TENM3: variants seen among roughly 807,000 people sequenced by gnomAD.
TENM3 encodes teneurin-3.
In TENM3, 63 loss-of-function variants were observed where a neutral mutation model predicts 255.1. The ratio of observed to expected loss-of-function variants is 0.25; its 90% CI spans 0.20 to 0.30. TENM3 has a LOEUF of 0.30. Ranked by LOEUF, TENM3 falls within the 10% of genes least tolerant of loss-of-function variation. The pLI, the probability that TENM3 is intolerant of heterozygous loss-of-function variation, is 1.00. For synonymous variants in TENM3, 1,306 were observed against 1,322.3 expected, an observed-to-expected ratio of 0.99 and a Z score of 0.27; for missense variants, 2,929 against 3,461.1, an observed-to-expected ratio of 0.85 and a Z score of 3.86.
At chr4:181,996,625 G>T in the TENM3 span, among the ~76,000 whole-genome samples, 1 of 152,180 alleles carries the variant, frequency 6.6e-6, no homozygotes, top group African/African-American at 2.4e-5. Context: ...TCTGTCAGGT[G>T]AGTGGAGAAT....
At chr4:181,655,241 G>A in the TENM3 span, among the ~76,000 whole-genome samples, 1 of 152,192 alleles carries the variant, frequency 6.6e-6, no homozygotes, top group African/African-American at 2.4e-5. Context: ...AGGAGCGTGA[G>A]AAGAGTGGAA....
At chr4:182,524,492 G>C (rs568818339) in intron 3 of TENM3, among the ~76,000 whole-genome samples, 1 of 151,294 alleles carries the variant, frequency 6.6e-6, no homozygotes, top group Middle Eastern at 3.4e-3. Flanking sequence ...TCAAGCAGCT[G>C]TGGCTACAGG....
chr4:182,383,765 C>A (rs1461611974), intron 3 of TENM3, among the ~76,000 whole-genome samples: 1 of 152,088 alleles, frequency 6.6e-6, no homozygotes, highest in Non-Finnish European at 1.5e-5. Context: ...TGCTTCAAGG[C>A]TACAGTAACC....
chr4:181,495,884 G>A, the TENM3 span, among the ~76,000 whole-genome samples: 1 of 142,738 alleles, frequency 7.0e-6, no homozygotes, highest in Admixed American at 7.3e-5. Flanking sequence ...CACTTTGGAA[G>A]GGTAGGAAGA....
chr4:181,816,487 C>T, the TENM3 span, among the ~76,000 whole-genome samples: 6 of 152,200 alleles, frequency 3.9e-5, no homozygotes, highest in East Asian at 1.9e-4. Context: ...GCCTTCCTTT[C>T]GTCAGGTTAT....
chr4:181,989,264 G>A, the TENM3 span, among the ~76,000 whole-genome samples: 331 of 152,102 alleles, frequency 2.2e-3, no homozygotes, highest in African/African-American at 7.5e-3. Flanking sequence ...GAAAAACAAG[G>A]AGCAGCTCTG....
At chr4:181,782,937 G>C in the TENM3 span, among the ~76,000 whole-genome samples, 1 of 152,192 alleles carries the variant, frequency 6.6e-6, no homozygotes, top group Admixed American at 6.5e-5. Flanking sequence ...GGTTTTGAGT[G>C]AGTTTCTTAA....
the TENM3 span, among the ~76,000 whole-genome samples, chr4:181,534,249 A>C: frequency 2.6e-5 from 4 of 151,964 alleles, no homozygotes; most frequent in Admixed American, 1.3e-4. Context: ...AAAAAAAAAA[A>C]AACAATTGCA....
the TENM3 span, among the ~76,000 whole-genome samples, chr4:181,892,815 T>A: frequency 6.6e-6 from 1 of 152,192 alleles, no homozygotes; most frequent in African/African-American, 2.4e-5. Flanking sequence ...AGGCTGAAAC[T>A]CTCTATACAT....
intron 1 of TENM3, among the ~76,000 whole-genome samples, chr4:182,206,461 GGATTCCT>G (rs1409202972): frequency 6.6e-6 from 1 of 152,250 alleles, no homozygotes; most frequent in Non-Finnish European, 1.5e-5. Context: ...TCTGAGCCTT[GGATTCCT>G]GACACTGGAG....
At chr4:181,845,987 G>T in the TENM3 span, among the ~76,000 whole-genome samples, 2 of 151,998 alleles carry the variant, frequency 1.3e-5, no homozygotes, top group African/African-American at 2.4e-5. Flanking sequence ...TCCTATTTAC[G>T]CTAAGGTTCT....
At chr4:182,409,571 C>T (rs1039015214) in intron 3 of TENM3, among the ~76,000 whole-genome samples, 2 of 152,144 alleles carry the variant, frequency 1.3e-5, no homozygotes, top group African/African-American at 4.8e-5. Flanking sequence ...TCTCATTAAT[C>T]ACTTCTGGTT....
the TENM3 span, among the ~76,000 whole-genome samples, chr4:182,066,247 C>T: frequency 3.3e-5 from 5 of 151,934 alleles, no homozygotes; most frequent in Non-Finnish European, 7.4e-5. Flanking sequence ...CACCTGATGA[C>T]GTCAACCTTT....
rs777387998 is a variant in TENM3, at chr4:182,197,580, CA to C, written c.-76+52828del. On this transcript the variant is annotated intron_variant, in intron 1 of 2. Coordinates refer to the TENM3 transcript ENST00000512480. Reference sequence around the variant, plus strand: ...AGGGAAATAATAAGTTGCAGCTCAACAATACAAAAAGAAAAAAAATGTGTAA... The same window carrying C: ...AGGGAAATAATAAGTTGCAGCTCAACATACAAAAAGAAAAAAAATGTGTAA... 6.6e-5 allele frequency among the ~76,000 whole-genome samples: 10 copies of C among 152,016 alleles called. No homozygotes were observed. In the East Asian group the frequency reaches 1.3e-3, roughly 21 times the overall value.
At chr4:182,487,110 C>T (rs1191826166) in intron 3 of TENM3, among the ~76,000 whole-genome samples, 1 of 152,126 alleles carries the variant, frequency 6.6e-6, no homozygotes. Context: ...CTAATTCTTG[C>T]ACGTGGTTTC....
At chr4:182,450,060 GC>G (rs1773320865) in intron 3 of TENM3, among the ~76,000 whole-genome samples, 1 of 152,156 alleles carries the variant, frequency 6.6e-6, no homozygotes, top group Non-Finnish European at 1.5e-5. Flanking sequence ...TCTTCTGAAA[GC>G]CTAATATAAT....
chr4:182,554,810 C>G (rs1200747626), intron 3 of TENM3, among the ~76,000 whole-genome samples: 1 of 151,758 alleles, frequency 6.6e-6, no homozygotes, highest in Non-Finnish European at 1.5e-5. Context: ...AGAGAGGGGT[C>G]AGTGTCTAAT....
chr4:182,583,876 G>A (rs1745753213), intron 3 of TENM3, among the ~76,000 whole-genome samples: 2 of 152,134 alleles, frequency 1.3e-5, no homozygotes, highest in South Asian at 4.1e-4. Flanking sequence ...AAAGCTTTGT[G>A]AGCTATGTGT....
At chr4:182,578,231 T>C (rs1745133733) in intron 3 of TENM3, among the ~76,000 whole-genome samples, 1 of 152,264 alleles carries the variant, frequency 6.6e-6, no homozygotes, top group Non-Finnish European at 1.5e-5. Flanking sequence ...CACTTAGGCC[T>C]CCCAAAGTGC....
Sources: allele counts gnomAD v4.1 joint callset (sites outside exome capture counted in the v4.1 genomes callset), GRCh38; gene constraint gnomAD v4.1.1; transcripts MANE v1.5; gene names NCBI Gene and HGNC (gene_info 2026-07-23, HGNC 2026-07-21).